ADAMTSL1: variants seen among roughly 807,000 people sequenced by gnomAD.
ADAMTSL1 encodes ADAMTS-like protein 1.
A neutral mutation model predicts 201.8 loss-of-function variants in ADAMTSL1; 126 were observed. That is an observed-to-expected ratio of 0.62 (90% confidence interval 0.54 to 0.72). The LOEUF (loss-of-function observed/expected upper bound fraction) is 0.72, where lower values mean the gene tolerates loss of function less well. ADAMTSL1 is among the 30% of genes least tolerant of loss of function. The pLI is 0.00. For missense variants in ADAMTSL1, 2,679 were observed against 2,277.8 expected (o/e 1.18, Z -3.59); for synonymous variants, 1,121 against 903.4 (o/e 1.24, Z -4.32).
chr9:18,743,338 T>A (rs1438327960), intron 15 of ADAMTSL1, among the ~76,000 whole-genome samples: 3 of 152,210 alleles, frequency 2.0e-5, no homozygotes, highest in Admixed American at 1.3e-4. Context: ...TAGGTTTAGA[T>A]GCAAATGGCA....
intron 1 of ADAMTSL1, among the ~76,000 whole-genome samples, chr9:18,055,955 A>G (rs763307668): frequency 3.9e-5 from 6 of 152,214 alleles, no homozygotes; most frequent in Non-Finnish European, 5.9e-5. Flanking sequence ...ATTAATTTGA[A>G]TTGCTACTAT....
intron 23 of ADAMTSL1, among the ~76,000 whole-genome samples, chr9:18,832,009 GAT>G (rs888747879): frequency 1.3e-5 from 2 of 152,178 alleles, no homozygotes; most frequent in Admixed American, 6.5e-5. Flanking sequence ...TGAGCCCCAA[GAT>G]GAAAAATGTG....
intron 1 of ADAMTSL1, among the ~76,000 whole-genome samples, chr9:18,158,472 C>G (rs1162719565): frequency 6.6e-6 from 1 of 151,838 alleles, no homozygotes; most frequent in Non-Finnish European, 1.5e-5. Flanking sequence ...GGATCTGAAT[C>G]CCATCCCCAC....
intron 1 of ADAMTSL1, among the ~76,000 whole-genome samples, chr9:18,500,113 A>G (rs1822756516): frequency 6.6e-6 from 1 of 152,202 alleles, no homozygotes; most frequent in Non-Finnish European, 1.5e-5. Flanking sequence ...TGAAGTGTCT[A>G]TTGGGCAGTG....
intron 1 of ADAMTSL1, among the ~76,000 whole-genome samples, chr9:17,932,859 C>G (rs1826853412): frequency 6.6e-6 from 1 of 152,160 alleles, no homozygotes; most frequent in Admixed American, 6.5e-5. Context: ...ATCTAGATAG[C>G]TCCTCTTCTA....
chr9:18,592,515 TCA>T (rs1564075127), intron 4 of ADAMTSL1, among the ~76,000 whole-genome samples: 1 of 152,220 alleles, frequency 6.6e-6, no homozygotes, highest in Non-Finnish European at 1.5e-5. Context: ...ATGATTGCTC[TCA>T]GTTGGTTGTT....
chr9:18,182,819 G>A lies in ADAMTSL1; in HGVS notation c.207+18838G>A, dbSNP rs955148629. Among the ~76,000 whole-genome samples, 8 of 152,212 alleles carry A rather than the reference G, an allele frequency of 5.3e-5. No individual in the cohort carries two copies. The South Asian group carries it at 6.2e-4, about 12-fold the overall frequency. ...GGTAGTAGAATGCGGGTTACAGTTC[G>A]GGCAGCCTGATTCCACAGTCCATAG... is the stretch of plus-strand genomic sequence containing the variant. On this transcript the variant is annotated intron_variant, in intron 2 of 29. Coordinates refer to the ADAMTSL1 transcript ENST00000680146.
At chr9:18,811,974 T>C (rs987793155) in intron 20 of ADAMTSL1, among the ~76,000 whole-genome samples, 3 of 152,120 alleles carry the variant, frequency 2.0e-5, no homozygotes, top group Non-Finnish European at 2.9e-5. Context: ...AGAAGATAAA[T>C]AGACATATTT....
chr9:18,192,019 G>A lies in ADAMTSL1; in HGVS notation c.207+28038G>A, dbSNP rs115778279. On this transcript the variant is annotated intron_variant, in intron 2 of 29. Transcript: ENST00000680146. ...GAAATACACTGGGTATGATCGTTAC[G>A]GTGTTTGACATTGATGGTATTCTTT... 5.9e-5 allele frequency among the ~76,000 whole-genome samples: 9 copies of A among 152,152 alleles called. No individual in the cohort carries two copies. In the East Asian group the frequency reaches 7.7e-4, roughly 13 times the overall value.
intron 2 of ADAMTSL1, among the ~76,000 whole-genome samples, chr9:18,270,794 C>G (rs10810940): frequency 0.42 from 64,000 of 152,018 alleles, 13,793 homozygotes; most frequent in South Asian, 0.51. Context: ...CTCCTTATGT[C>G]TAATTCGGCC....
chr9:18,681,812 T>C lies in ADAMTSL1; in HGVS notation c.1342T>C (p.Cys448Arg). The C allele has an allele frequency of 6.2e-7, 1 of 1,608,868 alleles. No individual in the cohort carries two copies. Among genetic ancestry groups the C allele is most frequent in the Non-Finnish European group, 8.5e-7 (1 of 1,177,014 alleles). Residue 448 changes from cysteine to arginine, a missense_variant and splice_region_variant, in exon 12 of 29, where the codon TGC becomes CGC. By Grantham distance (180) the Cys-to-Arg change is radical (BLOSUM62 -3). Coordinates refer to ENST00000380548, the MANE Select transcript of ADAMTSL1 (RefSeq NM_001040272.6). ...PKWLAQEWSP[C>R]TVTCGQGLRY... ...CCTCTCTCTTGCAATCTCTTTCCAGTGCACAGTGACATGTGGCCAGGGCCT... is the reference window on the plus strand; with the variant it reads ...CCTCTCTCTTGCAATCTCTTTCCAGCGCACAGTGACATGTGGCCAGGGCCT...
At chr9:18,447,778 A>G (rs79329899) in intron 2 of ADAMTSL1, among the ~76,000 whole-genome samples, 91 of 152,308 alleles carry the variant, frequency 6.0e-4, no homozygotes, top group African/African-American at 2.1e-3. Context: ...TCTCTGCCAA[A>G]TGAGTTTGCT....
chr9:18,892,471 A>G lies in ADAMTSL1; in HGVS notation c.4726A>G (p.Lys1576Glu). Residue 1576 changes from lysine (K) to glutamate (E), a missense_variant, in exon 26 of 29, where the codon AAA becomes GAA. Physicochemically the swap from Lys to Glu is moderately conservative, Grantham distance 56. Transcript: ENST00000380548. Reference protein sequence around the residue: ...QTRRVTCQKLKASGISTPVSN... With the variant: ...QTRRVTCQKLEASGISTPVSN... The stretch of plus-strand genomic sequence containing the variant: ...CCGCAGGGTGACCTGTCAAAAGCTG[A>G]AAGCCTCTGGGATCTCCACCCCTGT... The G allele has an allele frequency of 6.2e-7, 1 of 1,612,924 alleles. No individual in the cohort carries two copies. The highest frequency in any genetic ancestry group is 8.5e-7 in the Non-Finnish European group (1 of 1,179,574).
At chr9:18,737,547 A>G (rs1276412033) in intron 15 of ADAMTSL1, among the ~76,000 whole-genome samples, 2 of 152,148 alleles carry the variant, frequency 1.3e-5, no homozygotes, top group South Asian at 4.1e-4. Flanking sequence ...TATTGGCACT[A>G]TTAGTCCTAT....
At chr9:18,252,782 A>T (rs1831517391) in intron 2 of ADAMTSL1, among the ~76,000 whole-genome samples, 1 of 152,142 alleles carries the variant, frequency 6.6e-6, no homozygotes, top group South Asian at 2.1e-4. Context: ...GAGCATCTTA[A>T]ATGTTGCTGG....
intron 2 of ADAMTSL1, among the ~76,000 whole-genome samples, chr9:18,275,401 A>G (rs1832546019): frequency 1.3e-5 from 2 of 152,138 alleles, no homozygotes; most frequent in South Asian, 4.1e-4. Context: ...GTACAGTTCT[A>G]TGAGTTTTGG....
intron 2 of ADAMTSL1, among the ~76,000 whole-genome samples, chr9:18,400,857 C>A (rs868104538): frequency 6.6e-6 from 1 of 152,118 alleles, no homozygotes; most frequent in African/African-American, 2.4e-5. Context: ...CAATATAGTG[C>A]GTAGTAGGAG....
chr9:18,714,148 A>G (rs541663736), intron 14 of ADAMTSL1, among the ~76,000 whole-genome samples: 8 of 152,192 alleles, frequency 5.3e-5, no homozygotes, highest in East Asian at 3.8e-4. Flanking sequence ...GAGAAAGCAC[A>G]AAAGATCCAA....
chr9:18,830,379 T>A (rs1191812791), intron 23 of ADAMTSL1, among the ~76,000 whole-genome samples: 1 of 152,164 alleles, frequency 6.6e-6, no homozygotes, highest in Non-Finnish European at 1.5e-5. Flanking sequence ...ACTAGAGCAA[T>A]AATCAACTTT....
Sources: gnomAD v4.1 joint callset for allele counts (sites outside exome capture counted in the v4.1 genomes callset) on GRCh38, gnomAD v4.1.1 for gene constraint, MANE v1.5 for transcripts, NCBI Gene and HGNC (gene_info 2026-07-23, HGNC 2026-07-21) for gene names.